Variants in RNF207 observed in about 807,000 individuals in gnomAD.
The protein encoded by RNF207 is ring finger protein 207.
A neutral mutation model predicts 79.0 loss-of-function variants in RNF207; 72 were observed. That is an observed-to-expected ratio of 0.91 (90% CI 0.75 to 1.11). The LOEUF (loss-of-function observed/expected upper bound fraction) is 1.11. Among genes scored for constraint, RNF207 ranks in the 50% least tolerant of loss-of-function variants. The pLI is 0.00. For synonymous variants in RNF207, 348 were observed against 366.2 expected (o/e 0.95, Z 0.57); for missense variants, 936 against 855.8 (o/e 1.09, Z -1.17).
intron 17 of RNF207, among the ~76,000 whole-genome samples, chr1:6,218,628 CCA>C (rs1264042710): frequency 6.6e-6 from 1 of 152,220 alleles, no homozygotes; most frequent in Non-Finnish European, 1.5e-5. Context: ...CTGCCTGCAT[CCA>C]CTTTCACCAC....
At chr1:6,206,808 G>A (rs1667925299) in intron 2 of RNF207, 82 bp downstream of exon 2, 1 of 1,210,182 alleles carries the variant, frequency 8.3e-7, no homozygotes, top group Non-Finnish European at 1.2e-6. Flanking sequence ...TGGGACCCAG[G>A]TGCCAGGAGA....
In RNF207 at chr1:6,209,343, G is replaced by T; in HGVS notation, c.627G>T (p.Leu209=). 1 of 1,543,132 alleles carries T rather than the reference G, an allele frequency of 6.5e-7. No homozygotes were observed. The highest frequency in any genetic ancestry group is 8.7e-7 in the Non-Finnish European group (1 of 1,146,136). Reference sequence around the variant, plus strand: ...GCGAGCGGCTGGAGCAGGCGGTGCTGGTGAGCGCAGGGGCCTGGCGCGCGG... The same window carrying T: ...GCGAGCGGCTGGAGCAGGCGGTGCTTGTGAGCGCAGGGGCCTGGCGCGCGG... The part of the protein sequence containing the change: ...QGCERLEQAV[L]AVKALQTATR... The change falls in exon 6 of 18, where the codon CTG becomes CTT. Residue 209 remains leucine, a splice_region_variant and synonymous_variant. Transcript: ENST00000377939.
rs765167255 is a variant in RNF207 at position 6,207,426 on chromosome 1, G to A, written c.239G>A (p.Arg80Gln). ...KGPSGLPPVD[R>Q]LLQFLVDSSG... is the part of the protein sequence containing the mutation. ...CCCAGCGGGCTCCCGCCGGTGGACCGGCTGCTGCAGTTCCTGGTGGACAGC... is the reference window on the plus strand; with the variant it reads ...CCCAGCGGGCTCCCGCCGGTGGACCAGCTGCTGCAGTTCCTGGTGGACAGC... The change falls in exon 3 of 18, where the codon CGG (arginine) becomes CAG (glutamine). Residue 80 changes from arginine to glutamine, a missense_variant. Arg to Gln is a conservative substitution (Grantham distance 43). Coordinates refer to ENST00000377939, the MANE Select transcript of RNF207 (RefSeq NM_207396.3). This position sits in a 1 kb window ranked among gnomAD's most constrained non-coding sequence, Gnocchi z 4.5. 5.8e-6 allele frequency: 9 copies of A among 1,554,660 alleles called. No homozygotes were observed. The highest frequency in any genetic ancestry group is 5.4e-5 in the Admixed American group (3 of 55,544).
Position 6,212,748 on chromosome 1 carries a change from G to A in RNF207, c.1534+15G>A, listed in dbSNP as rs770279626. Reference sequence around the variant, plus strand: ...GATTTATGAAGGTTCCAGACAGTTGGCTGCCGAGTGAACCCTCTGTCCCTG... The same window carrying A: ...GATTTATGAAGGTTCCAGACAGTTGACTGCCGAGTGAACCCTCTGTCCCTG... On this transcript the variant is annotated intron_variant, in intron 15 of 17. Coordinates refer to ENST00000377939, the MANE Select transcript of RNF207 (RefSeq NM_207396.3). The A allele has an allele frequency of 1.2e-6, 2 of 1,608,214 alleles. No homozygotes were observed. The highest frequency in any genetic ancestry group is 1.1e-5 in the South Asian group (1 of 90,952).
Position 6,212,360 on chromosome 1 carries a change from G to T in RNF207, c.1426G>T (p.Val476Leu), listed in dbSNP as rs755990552. 2.3e-5 allele frequency: 37 copies of T among 1,613,718 alleles called. No homozygotes were observed. In the Admixed American group the frequency reaches 3.3e-4, roughly 15 times the overall value. The change falls in exon 14 of 18, where the codon GTG becomes TTG. Residue 476 changes from valine to leucine, a missense_variant. Coordinates refer to ENST00000377939, the MANE Select transcript of RNF207 (RefSeq NM_207396.3). Reference protein sequence around the residue: ...DVLHKSLQLDVQIASEHASLE... With the variant: ...DVLHKSLQLDLQIASEHASLE... ...CCTGCACAAGTCCCTGCAACTGGAC[G>T]TGCAGATCGCCTCGGAGCACGCCTC...
In RNF207 at chr1:6,206,255, G is replaced by A. The variant is rs1162051928; in HGVS notation, c.-48G>A. The A allele has an allele frequency of 2.5e-6, 1 of 405,114 alleles. No individual in the cohort carries two copies. Among genetic ancestry groups the A allele is most frequent in the Non-Finnish European group, 4.4e-6 (1 of 228,274 alleles). 25.1% of individuals were successfully genotyped at this position (405,114 alleles called of 1,614,324 possible). A position where few individuals can be genotyped will look rare whatever the true frequency, so the allele number is the denominator to read the frequency against. Reference sequence around the variant, plus strand: ...GCCGCACTAAGAGCGCTGGACGGCGGGAGAGAGGCTCGGAGGACCGGTAGC... The same window carrying A: ...GCCGCACTAAGAGCGCTGGACGGCGAGAGAGAGGCTCGGAGGACCGGTAGC... On this transcript the variant is annotated 5_prime_UTR_variant, in exon 1 of 18. Transcript: ENST00000377939.
chr1:6,212,322 T>C lies in RNF207; in HGVS notation c.1388T>C (p.Ile463Thr), dbSNP rs1323701811. 1 of 1,612,564 alleles carries C rather than the reference T, an allele frequency of 6.2e-7. No individual in the cohort carries two copies. Among genetic ancestry groups the C allele is most frequent in the Non-Finnish European group, 8.5e-7 (1 of 1,179,780 alleles). Residue 463 changes from isoleucine (I) to threonine (T), a missense_variant, in exon 14 of 18, where the codon ATC becomes ACC. Transcript: ENST00000377939. ...CACCACTCGCTCATCAAGGCGGAGA[T>C]CATGGGAGACGTCCTGCACAAGTCC... is the stretch of plus-strand genomic sequence containing the variant. Reference protein sequence around the residue: ...TKHHSLIKAEIMGDVLHKSLQ... With the variant: ...TKHHSLIKAETMGDVLHKSLQ...
At chr1:6,212,079 G>GA (rs1557589169) in intron 13 of RNF207, 26 bp downstream of exon 13, 8 of 1,577,150 alleles carry the variant, frequency 5.1e-6, no homozygotes, top group Non-Finnish European at 6.9e-6. Flanking sequence ...TCTGCCGGAG[G>GA]GGGGAGATGT....
At chr1:6,212,524 C>G in intron 14 of RNF207, 108 bp downstream of exon 14, 1 of 1,278,886 alleles carries the variant, frequency 7.8e-7, no homozygotes, top group Non-Finnish European at 1.1e-6. Flanking sequence ...CCACGGGACC[C>G]TCATGTGGCA....
rs1207078725 is a variant in RNF207, at chr1:6,207,302, G to A, written c.192-77G>A. ...CCCAACACAGCTATTTTTAGCTCCA[G>A]CCTGGAATGTGAGGGGTGGGGGTGG... On this transcript the variant is annotated intron_variant, in intron 2 of 17. Transcript: ENST00000377939. The surrounding 1 kb of genome is among the most constrained non-coding windows in gnomAD (Gnocchi z 4.5). 6.9e-6 allele frequency: 10 copies of A among 1,441,938 alleles called. No homozygotes were observed. Among genetic ancestry groups the A allele is most frequent in the Non-Finnish European group, 9.3e-6 (10 of 1,076,696 alleles). 89.3% of individuals were successfully genotyped at this position (1,441,938 alleles called of 1,614,324 possible).
chr1:6,211,877 G>T lies in RNF207; in HGVS notation c.1120G>T (p.Gly374Cys). 2 of 1,548,576 alleles carry T rather than the reference G, an allele frequency of 1.3e-6. No individual in the cohort carries two copies. Among genetic ancestry groups the T allele is most frequent in the Non-Finnish European group, 8.7e-7 (1 of 1,146,686 alleles). ...AASGANTLAG[G>C]LGPKALTGPH... The stretch of plus-strand genomic sequence containing the variant: ...TGGCTCTCTCCCCAGGCTGGCAGGG[G>T]GCTTAGGCCCCAAGGCGCTGACGGG... Residue 374 changes from glycine to cysteine, a missense_variant, in exon 13 of 18, where the codon GGC becomes TGC. Transcript: ENST00000377939. The surrounding 1 kb of genome is among the most constrained non-coding windows in gnomAD (Gnocchi z 4.2).
At position 6,211,128 on chromosome 1, in the gene RNF207, A is replaced by C. The variant is rs757424902; in HGVS notation, c.1109+10A>C. On this transcript the variant is annotated intron_variant, in intron 12 of 17. Coordinates refer to ENST00000377939, the MANE Select transcript of RNF207 (RefSeq NM_207396.3). The surrounding 1 kb of genome is among the most constrained non-coding windows in gnomAD (Gnocchi z 4.2). ...CAAGTGGTGCTAACACGTGAGCAGC[A>C]ACCGGGGAGGCCAGGCACAAGGTCC... The C allele has an allele frequency of 2.2e-5, 35 of 1,565,902 alleles. No individual in the cohort carries two copies. Among genetic ancestry groups the C allele is most frequent in the Non-Finnish European group, 3.0e-5 (35 of 1,159,318 alleles).
chr1:6,210,919 G>A lies in RNF207; in HGVS notation c.992G>A (p.Arg331Lys). The change falls in exon 11 of 18, where the codon AGG (arginine) becomes AAG (lysine). Residue 331 changes from arginine (R) to lysine (K), a missense_variant. Coordinates refer to ENST00000377939, the MANE Select transcript of RNF207 (RefSeq NM_207396.3). ...QGIVTRPHHL[R>K]PIQSSKIASD... The stretch of plus-strand genomic sequence containing the variant: ...ATCGTCACGCGGCCGCACCACCTAA[G>A]GCCTATTCAGAGCAGCAAGGTGTGC... 1 of 1,606,878 alleles carries A rather than the reference G, an allele frequency of 6.2e-7. No homozygotes were observed. Among genetic ancestry groups the A allele is most frequent in the Non-Finnish European group, 8.5e-7 (1 of 1,177,492 alleles).
intron 16 of RNF207, 109 bp downstream of exon 16, chr1:6,213,292 G>A: frequency 1.5e-6 from 1 of 647,060 alleles, no homozygotes; most frequent in Admixed American, 2.8e-5. Context: ...AGGCTGAGGT[G>A]GGCGGATAAC....
chr1:6,209,040 C>T lies in RNF207; in HGVS notation c.469+15C>T, dbSNP rs748070120. On this transcript the variant is annotated intron_variant, in intron 4 of 17. Transcript: ENST00000377939. Reference sequence around the variant, plus strand: ...CCAGAAGTGCAGTGAGTGAGGCTTGCGGGGCCGGGGACTTGGGGGTGGGGG... The same window carrying T: ...CCAGAAGTGCAGTGAGTGAGGCTTGTGGGGCCGGGGACTTGGGGGTGGGGG... The T allele has an allele frequency of 8.8e-6, 3 of 341,730 alleles. No individual in the cohort carries two copies. Among genetic ancestry groups the T allele is most frequent in the Admixed American group, 4.4e-5 (1 of 22,696 alleles). The allele number at this position is 341,730 out of a possible 1,614,324, so 21.2% of individuals were successfully genotyped here. A position where few individuals can be genotyped will look rare whatever the true frequency, so the allele number is the denominator to read the frequency against.
Position 6,206,702 on chromosome 1 carries a change from G to A in RNF207, c.167G>A (p.Gly56Asp). The A allele has an allele frequency of 6.2e-7, 1 of 1,602,034 alleles. No homozygotes were observed. Among genetic ancestry groups the A allele is most frequent in the South Asian group, 1.1e-5 (1 of 91,010 alleles). ...AGCLRGRATD[G>D]RLTCPLCQHQ... ...TGCCTGCGTGGCCGCGCGACCGACG[G>A]CCGCCTCACCTGCCCGCTGTGCCAG... The change falls in exon 2 of 18, where the codon GGC (glycine) becomes GAC (aspartate). Residue 56 changes from glycine (G) to aspartate (D), a missense_variant. Gly to Asp is a moderately conservative substitution (Grantham distance 94, BLOSUM62 -1). Coordinates refer to ENST00000377939, the MANE Select transcript of RNF207 (RefSeq NM_207396.3).
intron 16 of RNF207, among the ~76,000 whole-genome samples, chr1:6,216,820 G>A (rs1052311953): frequency 5.3e-5 from 8 of 151,212 alleles, no homozygotes; most frequent in Non-Finnish European, 1.0e-4. Flanking sequence ...CGCCAGCCTC[G>A]GCCTCCCAAA....
chr1:6,210,910 A>G lies in RNF207; in HGVS notation c.983A>G (p.His328Arg), dbSNP rs1429709418. 1 of 1,606,628 alleles carries G rather than the reference A, an allele frequency of 6.2e-7. No homozygotes were observed. The highest frequency in any genetic ancestry group is 8.5e-7 in the Non-Finnish European group (1 of 1,177,438). The change falls in exon 11 of 18, where the codon CAC becomes CGC. Residue 328 changes from histidine (H) to arginine (R), a missense_variant. Transcript: ENST00000377939. ...CTGCAGGGCATCGTCACGCGGCCGCACCACCTAAGGCCTATTCAGAGCAGC... is the reference window on the plus strand; with the variant it reads ...CTGCAGGGCATCGTCACGCGGCCGCGCCACCTAAGGCCTATTCAGAGCAGC... ...ERLQGIVTRP[H>R]HLRPIQSSKI...
Position 6,213,193 on chromosome 1 carries a change from A to T in RNF207, c.1652+10A>T. 6.4e-7 allele frequency: 1 copy of T among 1,571,524 alleles called. No homozygotes were observed. Among genetic ancestry groups the T allele is most frequent in the Non-Finnish European group, 8.7e-7 (1 of 1,143,046 alleles). ...AGCGGCTGGAGCCCAGGTGAGGCCAAGGGGGTGTTCCCAGGGCCACTGAGA... is the reference window on the plus strand; with the variant it reads ...AGCGGCTGGAGCCCAGGTGAGGCCATGGGGGTGTTCCCAGGGCCACTGAGA... On this transcript the variant is annotated intron_variant, in intron 16 of 17. Transcript: ENST00000377939.
Sources: allele counts gnomAD v4.1 joint callset (sites outside exome capture counted in the v4.1 genomes callset), GRCh38; gene constraint gnomAD v4.1.1; non-coding constraint Gnocchi (gnomAD v3.1); transcripts MANE v1.5; gene names NCBI Gene and HGNC (gene_info 2026-07-23, HGNC 2026-07-21).